ELK3: variants seen among roughly 807,000 people sequenced by gnomAD.
The protein encoded by ELK3 is ETS domain-containing protein Elk-3.
A neutral mutation model predicts 28.9 loss-of-function variants in ELK3; 10 were observed. The ratio of observed to expected loss-of-function variants is 0.35; its 90% CI spans 0.21 to 0.59. The LOEUF is 0.59. Ranked by LOEUF, ELK3 falls within the 20% of genes least tolerant of loss-of-function variation. ELK3 has a pLI of 0.82. For missense variants in ELK3, 463 were observed against 517.3 expected (o/e 0.90, Z 1.02); for synonymous variants, 272 against 243.5 (o/e 1.12, Z -1.09).
At position 96,223,606 on chromosome 12, in the gene ELK3, T is replaced by A; in HGVS notation, c.40T>A (p.Leu14Met). Reference sequence around the variant, plus strand: ...CACGCTGTGGCAGTTCCTGTTGCAGTTGCTGCTGGATCAGAAACATGAGCA... The same window carrying A: ...CACGCTGTGGCAGTTCCTGTTGCAGATGCTGCTGGATCAGAAACATGAGCA... ...AITLWQFLLQ[L>M]LLDQKHEHLI... is the part of the protein sequence containing the mutation. Residue 14 changes from leucine (L) to methionine (M), a missense_variant, in exon 2 of 5, where the codon TTG (leucine) becomes ATG (methionine). By Grantham distance (15) the Leu-to-Met change is conservative. Coordinates refer to ENST00000228741, the MANE Select transcript of ELK3 (RefSeq NM_005230.4). 3.1e-6 allele frequency: 5 copies of A among 1,614,120 alleles called. No individual in the cohort carries two copies. The highest frequency in any genetic ancestry group is 4.2e-6 in the Non-Finnish European group (5 of 1,180,016).
At chr12:96,261,913 T>C (rs1237194633) in intron 4 of ELK3, among the ~76,000 whole-genome samples, 1 of 152,120 alleles carries the variant, frequency 6.6e-6, no homozygotes, top group African/African-American at 2.4e-5. Flanking sequence ...TTCTCAAAGT[T>C]AGCATGCAAA....
intron 2 of ELK3, among the ~76,000 whole-genome samples, chr12:96,233,339 C>A (rs113011650): frequency 2.2e-4 from 33 of 152,292 alleles, no homozygotes; most frequent in African/African-American, 7.9e-4. Flanking sequence ...ACTGAACATT[C>A]AACCCCGGGG....
At chr12:96,236,347 C>T (rs1440427616) in intron 2 of ELK3, among the ~76,000 whole-genome samples, 1 of 152,202 alleles carries the variant, frequency 6.6e-6, no homozygotes, top group Non-Finnish European at 1.5e-5. Context: ...CTAGCACCCT[C>T]AGGGTGCCAC....
intron 3 of ELK3, 49 bp from the exon 4 acceptor site, chr12:96,259,682 C>T (rs1216556859): frequency 3.8e-6 from 6 of 1,568,880 alleles, no homozygotes; most frequent in Non-Finnish European, 5.2e-6. Flanking sequence ...TGATCATGGC[C>T]CAAGTCAGGT....
chr12:96,198,608 C>G (rs1428837985), intron 1 of ELK3, among the ~76,000 whole-genome samples: 1 of 152,278 alleles, frequency 6.6e-6, no homozygotes. Context: ...TGAGACCATG[C>G]TAGCAGAATA....
At chr12:96,258,240 G>A (rs1301290170) in intron 3 of ELK3, among the ~76,000 whole-genome samples, 1 of 152,216 alleles carries the variant, frequency 6.6e-6, no homozygotes, top group Admixed American at 6.5e-5. Flanking sequence ...TTGTGAAATT[G>A]CCTTGGACTA....
Position 96,247,069 on chromosome 12 carries a change from A to T in ELK3, c.337A>T (p.Lys113Ter). 6.2e-7 allele frequency: 1 copy of T among 1,614,042 alleles called. No homozygotes were observed. Among genetic ancestry groups the T allele is most frequent in the Non-Finnish European group, 8.5e-7 (1 of 1,180,016 alleles). The stretch of plus-strand genomic sequence containing the variant: ...CCTTCTGCTGCAGGACAGCGACTGC[A>T]AGGCGTCTCCGGAGGGCCGCGAGGC... Reference protein sequence around the residue: ...ESLLLQDSDCKASPEGREAHK... With the variant: ...ESLLLQDSDC Residue 113 changes from lysine to a stop codon, truncating the protein, a stop_gained, in exon 3 of 5, where the codon AAG becomes TAG. Transcript: ENST00000228741. LOFTEE classifies it high-confidence loss of function. The surrounding 1 kb of genome is among the most constrained non-coding windows in gnomAD (Gnocchi z 5.5).
At chr12:96,198,767 T>A (rs1263213297) in intron 1 of ELK3, among the ~76,000 whole-genome samples, 2 of 152,184 alleles carry the variant, frequency 1.3e-5, no homozygotes, top group African/African-American at 2.4e-5. Context: ...TTCAGTTTTT[T>A]AAAAAAATGC....
chr12:96,231,466 G>A (rs1951741311), intron 2 of ELK3, among the ~76,000 whole-genome samples: 1 of 152,174 alleles, frequency 6.6e-6, no homozygotes, highest in African/African-American at 2.4e-5. Context: ...AATTCCTGCT[G>A]GGATTCACAG....
chr12:96,243,010 G>T (rs984277214), intron 2 of ELK3, among the ~76,000 whole-genome samples: 3 of 152,174 alleles, frequency 2.0e-5, no homozygotes, highest in Non-Finnish European at 4.4e-5. Context: ...AGAGGCAGCA[G>T]CTACTGAAGG....
intron 4 of ELK3, among the ~76,000 whole-genome samples, chr12:96,265,355 T>C (rs149916154): frequency 5.3e-5 from 8 of 152,152 alleles, no homozygotes; most frequent in African/African-American, 1.4e-4. Context: ...ACCAATAAGG[T>C]ACACCAAAGA....
At chr12:96,241,459 T>TGTAC (rs397831697) in intron 2 of ELK3, among the ~76,000 whole-genome samples, 1 of 151,636 alleles carries the variant, frequency 6.6e-6, no homozygotes, top group Non-Finnish European at 1.5e-5. Context: ...TGTGTGTGTG[T>TGTAC]ACATATGTAA....
chr12:96,240,710 G>A (rs972777102), intron 2 of ELK3, among the ~76,000 whole-genome samples: 1 of 152,218 alleles, frequency 6.6e-6, no homozygotes, highest in Non-Finnish European at 1.5e-5. Flanking sequence ...TTGAGAACGA[G>A]GTAGGAGAGT....
chr12:96,249,428 GA>G (rs561626170), intron 3 of ELK3, among the ~76,000 whole-genome samples: 52 of 152,236 alleles, frequency 3.4e-4, no homozygotes, highest in Admixed American at 1.8e-3. Flanking sequence ...AGGTCAGAGT[GA>G]GCACGTGTGC....
chr12:96,256,660 C>T (rs1951951314), intron 3 of ELK3, among the ~76,000 whole-genome samples: 1 of 152,110 alleles, frequency 6.6e-6, no homozygotes, highest in Non-Finnish European at 1.5e-5. Context: ...GAAAAATGTG[C>T]CAATCACCAT....
At chr12:96,219,766 A>G (rs553156423) in intron 1 of ELK3, among the ~76,000 whole-genome samples, 1 of 152,308 alleles carries the variant, frequency 6.6e-6, no homozygotes, top group East Asian at 1.9e-4. Flanking sequence ...AGATGCAATG[A>G]TAAGCTCACA....
At chr12:96,252,883 G>A (rs1195875456) in intron 3 of ELK3, among the ~76,000 whole-genome samples, 1 of 152,220 alleles carries the variant, frequency 6.6e-6, no homozygotes, top group Non-Finnish European at 1.5e-5. Context: ...TGAGAGGATT[G>A]ACTCCAATTT....
In ELK3 at chr12:96,259,842, A is replaced by G; in HGVS notation, c.1114A>G (p.Thr372Ala). 6.2e-7 allele frequency: 1 copy of G among 1,602,006 alleles called. No homozygotes were observed. Among genetic ancestry groups the G allele is most frequent in the South Asian group, 1.1e-5 (1 of 90,022 alleles). The change falls in exon 4 of 5, where the codon ACG becomes GCG. Residue 372 changes from threonine to alanine, a missense_variant. By Grantham distance (58) the Thr-to-Ala change is moderately conservative (BLOSUM62 0). Coordinates refer to ENST00000228741, the MANE Select transcript of ELK3 (RefSeq NM_005230.4). ...LSPARLQGPS[T>A]LFQFPTLLNG... The stretch of plus-strand genomic sequence containing the variant: ...TCCTGCCAGGCTGCAAGGGCCAAGC[A>G]CGCTGTTCCAGGTGAGCGTTTGGAA...
Position 96,247,725 on chromosome 12 carries a change from C to T in ELK3, c.993C>T (p.Phe331=). ...CGGGATCCCTCACCCCAGCCTTCTTCACCGCACAGGTAAGAGTCATTCCTG... is the reference window on the plus strand; with the variant it reads ...CGGGATCCCTCACCCCAGCCTTCTTTACCGCACAGGTAAGAGTCATTCCTG... ...LPSGSLTPAF[F]TAQTPNGLLL... Residue 331 remains phenylalanine, a synonymous_variant, in exon 3 of 5, where the codon TTC becomes TTT. Coordinates refer to ENST00000228741, the MANE Select transcript of ELK3 (RefSeq NM_005230.4). This position sits in a 1 kb window ranked among gnomAD's most constrained non-coding sequence, Gnocchi z 5.5. 2 of 1,578,268 alleles carry T rather than the reference C, an allele frequency of 1.3e-6. No homozygotes were observed. The highest frequency in any genetic ancestry group is 1.7e-6 in the Non-Finnish European group (2 of 1,163,100).
Sources: allele counts gnomAD v4.1 joint callset (sites outside exome capture counted in the v4.1 genomes callset), GRCh38; gene constraint gnomAD v4.1.1; non-coding constraint Gnocchi (gnomAD v3.1); transcripts MANE v1.5; gene names NCBI Gene and HGNC (gene_info 2026-07-23, HGNC 2026-07-21).